ARHGEF11: variants seen among roughly 807,000 people sequenced by gnomAD.
The protein encoded by ARHGEF11 is Rho guanine exchange factor (GEF) 11.
In ARHGEF11, 55 loss-of-function variants were observed where a neutral mutation model predicts 193.7. The observed-to-expected ratio is 0.28, with a 90% CI of 0.23 to 0.36. ARHGEF11 has a LOEUF of 0.36. Ranked by LOEUF, ARHGEF11 falls within the 10% of genes least tolerant of loss-of-function variation. The pLI, the probability that ARHGEF11 is intolerant of heterozygous loss-of-function variation, is 1.00. For synonymous variants in ARHGEF11, 693 were observed against 768.0 expected (o/e 0.90, Z 1.62); for missense variants, 1,723 against 2,005.6 (o/e 0.86, Z 2.69).
intron 37 of ARHGEF11, chr1:156,939,212 A>T: frequency 3.1e-6 from 1 of 317,994 alleles, no homozygotes; most frequent in Non-Finnish European, 5.9e-6. Context: ...GGAACAGGAG[A>T]TCAGTGAGGA....
At chr1:157,042,587 C>T (rs909674260) in intron 1 of ARHGEF11, among the ~76,000 whole-genome samples, 2 of 152,200 alleles carry the variant, frequency 1.3e-5, no homozygotes, top group Admixed American at 6.5e-5. Flanking sequence ...CTGTCTACCT[C>T]ACACAGAACC....
chr1:156,988,909 T>C (rs1343211853), intron 1 of ARHGEF11, among the ~76,000 whole-genome samples: 1 of 152,102 alleles, frequency 6.6e-6, no homozygotes, highest in African/African-American at 2.4e-5. Flanking sequence ...ATGGACAGAC[T>C]ATTGTGTCAG....
At chr1:157,030,333 T>C (rs971599517) in intron 1 of ARHGEF11, among the ~76,000 whole-genome samples, 3 of 152,102 alleles carry the variant, frequency 2.0e-5, no homozygotes, top group Non-Finnish European at 4.4e-5. Context: ...GATTGCATCT[T>C]TCCCAGCCTC....
chr1:156,947,405 A>T lies in ARHGEF11; in HGVS notation c.2387T>A (p.Leu796Gln). The T allele has an allele frequency of 6.2e-7, 1 of 1,613,876 alleles. No individual in the cohort carries two copies. Among genetic ancestry groups the T allele is most frequent in the Non-Finnish European group, 8.5e-7 (1 of 1,179,898 alleles). The part of the protein sequence containing the change: ...EASHLRTLRV[L>Q]DLIFYQRMKK... ...CATTCGCTGGTAGAAGATCAGGTCC[A>T]GGACCCGGAGTGTGCGCAGGTGGGA... Residue 796 changes from leucine (L) to glutamine (Q), a missense_variant, in exon 26 of 41, where the codon CTG becomes CAG. Transcript: ENST00000368194.
At chr1:157,027,460 T>C (rs763236778) in intron 1 of ARHGEF11, among the ~76,000 whole-genome samples, 3 of 151,850 alleles carry the variant, frequency 2.0e-5, no homozygotes, top group Non-Finnish European at 2.9e-5. Context: ...GAAAAGATAA[T>C]TGGATGTCAT....
In ARHGEF11 at chr1:157,025,991, T is replaced by C. The variant is rs76844350; in HGVS notation, c.32+18308A>G. Among the ~76,000 whole-genome samples the C allele has an allele frequency of 5.2e-3, 796 of 152,356 alleles. 10 individuals are homozygous for C. The highest frequency in any genetic ancestry group is 0.018 in the African/African-American group (760 of 41,564). On this transcript the variant is annotated intron_variant, in intron 1 of 40. Transcript: ENST00000368194. Reference sequence around the variant, plus strand: ...AGGATTATTGTATTAAGTGGATTCTTATCCTTTGCCTGGTTTATGTCCTGG... The same window carrying C: ...AGGATTATTGTATTAAGTGGATTCTCATCCTTTGCCTGGTTTATGTCCTGG...
chr1:157,038,754 C>A (rs1009649190), intron 1 of ARHGEF11, among the ~76,000 whole-genome samples: 1 of 152,136 alleles, frequency 6.6e-6, no homozygotes, highest in Non-Finnish European at 1.5e-5. Flanking sequence ...CCAGGCCTGG[C>A]GTGGTGGCTT....
intron 11 of ARHGEF11, chr1:156,963,843 G>A (rs754087906): frequency 1.7e-6 from 2 of 1,165,692 alleles, no homozygotes; most frequent in Non-Finnish European, 2.2e-6. Context: ...TATGAAGATG[G>A]GAAGTAGGAG....
intron 21 of ARHGEF11, among the ~76,000 whole-genome samples, chr1:156,954,226 A>C (rs907784341): frequency 3.9e-5 from 6 of 152,048 alleles, no homozygotes; most frequent in African/African-American, 1.4e-4. Flanking sequence ...CTAAAAATAC[A>C]AAAATTAGCT....
chr1:157,030,351 C>G (rs1007185537), intron 1 of ARHGEF11, among the ~76,000 whole-genome samples: 1 of 152,070 alleles, frequency 6.6e-6, no homozygotes, highest in Non-Finnish European at 1.5e-5. Context: ...CTCACTGAAA[C>G]ATTACCAGCC....
At chr1:156,991,753 G>T (rs1265234049) in intron 1 of ARHGEF11, among the ~76,000 whole-genome samples, 3 of 104,080 alleles carry the variant, frequency 2.9e-5, no homozygotes, top group Non-Finnish European at 5.3e-5. Flanking sequence ...GTCTCGCTCT[G>T]TCGCCCAGGC....
At chr1:156,941,758 T>A (rs1311442969) in intron 34 of ARHGEF11, 106 bp downstream of exon 34, 2 of 1,470,708 alleles carry the variant, frequency 1.4e-6, no homozygotes, top group African/African-American at 2.8e-5. Flanking sequence ...TGCTAGCATT[T>A]CCCTGTTGTG....
At chr1:156,954,971 A>G (rs767743574) in intron 20 of ARHGEF11, 50 bp from the exon 21 acceptor site, 32 of 1,502,840 alleles carry the variant, frequency 2.1e-5, no homozygotes, top group Middle Eastern at 1.9e-4. Flanking sequence ...AAGTCAATCA[A>G]TGTTTTAAGA....
At chr1:156,987,472 T>A (rs1665095072) in intron 1 of ARHGEF11, among the ~76,000 whole-genome samples, 1 of 152,234 alleles carries the variant, frequency 6.6e-6, no homozygotes, top group African/African-American at 2.4e-5. Context: ...TATATATGTT[T>A]AAATATTTAT....
At chr1:156,938,951 G>C (rs977765460) in intron 37 of ARHGEF11, 3 of 187,764 alleles carry the variant, frequency 1.6e-5, no homozygotes, top group African/African-American at 2.4e-5. Context: ...GCCTCCCTGT[G>C]AGCTTGTCTT....
intron 22 of ARHGEF11, among the ~76,000 whole-genome samples, chr1:156,950,148 A>G (rs189814536): frequency 9.2e-4 from 140 of 152,314 alleles, no homozygotes; most frequent in Non-Finnish European, 1.5e-3. Context: ...TGCGTATTTA[A>G]CTTACCCATT....
chr1:157,033,699 T>A (rs1671572556), intron 1 of ARHGEF11, among the ~76,000 whole-genome samples: 1 of 152,218 alleles, frequency 6.6e-6, no homozygotes, highest in Non-Finnish European at 1.5e-5. Flanking sequence ...GGTTCTATGG[T>A]CTCACTACAG....
At chr1:156,954,818 A>G in intron 21 of ARHGEF11, 74 bp downstream of exon 21, 1 of 1,276,808 alleles carries the variant, frequency 7.8e-7, no homozygotes, top group Non-Finnish European at 1.1e-6. Flanking sequence ...AGAAAGAAAC[A>G]GAAAAGACAA....
chr1:156,947,420 C>T lies in ARHGEF11; in HGVS notation c.2372G>A (p.Arg791His). The change falls in exon 26 of 41, where the codon CGC becomes CAC. Residue 791 changes from arginine (R) to histidine (H), a missense_variant. By Grantham distance (29) the Arg-to-His change is conservative. Coordinates refer to ENST00000368194, the MANE Select transcript of ARHGEF11 (RefSeq NM_198236.3). ...ELFVTEASHL[R>H]TLRVLDLIFY... ...GATCAGGTCCAGGACCCGGAGTGTG[C>T]GCAGGTGGGAAGCTTCAGTCACAAA... 1 of 1,610,858 alleles carries T rather than the reference C, an allele frequency of 6.2e-7. No homozygotes were observed. The highest frequency in any genetic ancestry group is 8.5e-7 in the Non-Finnish European group (1 of 1,178,960).
Sources: gnomAD v4.1 joint callset for allele counts (sites outside exome capture counted in the v4.1 genomes callset) on GRCh38, gnomAD v4.1.1 for gene constraint, MANE v1.5 for transcripts, NCBI Gene and HGNC (gene_info 2026-07-23, HGNC 2026-07-21) for gene names.